The following DST variants were observed in gnomAD, a reference collection of about 807,000 sequenced individuals.
The protein encoded by DST is bullous pemphigoid antigen.
Under a neutral mutation model 875.2 loss-of-function variants are expected in DST, and 253 were observed. That is an observed-to-expected ratio of 0.29 (90% CI 0.26 to 0.32). The LOEUF (loss-of-function observed/expected upper bound fraction) is 0.32, where lower values mean the gene tolerates loss of function less well. DST is among the 10% of genes least tolerant of loss of function. The probability of loss-of-function intolerance (pLI) is 1.00; values close to 1 mark genes in which losing one functional copy is unlikely to be tolerated. For missense variants in DST, 8,287 were observed against 9,111.6 expected (o/e 0.91, Z 3.68); for synonymous variants, 3,124 against 3,197.1 (o/e 0.98, Z 0.77).
intron 86 of DST, among the ~76,000 whole-genome samples, chr6:56,488,531 C>T (rs1375745793): frequency 6.6e-6 from 1 of 152,156 alleles, no homozygotes; most frequent in Non-Finnish European, 1.5e-5. Context: ...GGCCAGGGAA[C>T]AGATGCTCAA....
At chr6:56,667,599 T>C (rs1338360728) in intron 10 of DST, among the ~76,000 whole-genome samples, 1 of 152,042 alleles carries the variant, frequency 6.6e-6, no homozygotes, top group Admixed American at 6.6e-5. Flanking sequence ...CAAAGGAAAA[T>C]AAAGCAAACT....
chr6:56,872,832 C>CCTT lies in DST; in HGVS notation c.418-21229_418-21228insAAG, dbSNP rs5876523. On this transcript the variant is annotated intron_variant, in intron 3 of 103. Transcript: ENST00000680361. ...CTTCAATACACTGATTCCCCCCCCC[C>CCTT]TTTTTTTTTTTTTCGGATATATACC... is the stretch of plus-strand genomic sequence containing the variant. Among the ~76,000 whole-genome samples the CCTT allele has an allele frequency of 8.5e-3, 1,091 of 127,852 alleles. 13 individuals carry two copies. Among genetic ancestry groups the CCTT allele is most frequent in the African/African-American group, 0.029 (1,016 of 35,294 alleles). 83.9% of individuals were successfully genotyped at this position (127,852 alleles called of 152,430 possible).
Position 56,492,919 on chromosome 6 carries a change from T to C in DST, c.20550+15A>G. The C allele has an allele frequency of 6.5e-7, 1 of 1,544,814 alleles. No homozygotes were observed. Among genetic ancestry groups the C allele is most frequent in the Non-Finnish European group, 8.7e-7 (1 of 1,150,214 alleles). ...GTCTGAAAAGAGAATCCTATCTATT[T>C]GACTCACTACATACCTTGTGTTCGT... On this transcript the variant is annotated intron_variant, in intron 84 of 103. Coordinates refer to ENST00000680361, the MANE Select transcript of DST (RefSeq NM_001374736.1).
Position 56,463,612 on chromosome 6 carries a change from C to T in DST, c.22912G>A (p.Ala7638Thr). 1.2e-6 allele frequency: 2 copies of T among 1,610,354 alleles called. No homozygotes were observed. The highest frequency in any genetic ancestry group is 2.2e-5 in the East Asian group (1 of 44,752). Residue 7638 changes from alanine to threonine, a missense_variant, in exon 101 of 104, where the codon GCT (alanine) becomes ACT (threonine). Around this residue, in one of 10 missense-constraint regions of DST, gnomAD observed 240 missense variants for 237.3 expected, o/e 1.01. Coordinates refer to ENST00000680361, the MANE Select transcript of DST (RefSeq NM_001374736.1). ...PNRSTSVSSQAAQAASPQVPA... is the reference protein window; with the variant it reads ...PNRSTSVSSQTAQAASPQVPA... ...ACCTGTGGGGAGGCCGCCTGCGCAG[C>T]CTGACTGGACACAGAAGTGGATCTG...
intron 3 of DST, among the ~76,000 whole-genome samples, chr6:56,889,144 C>A (rs116907395): frequency 6.6e-6 from 1 of 152,180 alleles, no homozygotes; most frequent in Non-Finnish European, 1.5e-5. Flanking sequence ...CCTCAAGTGT[C>A]TTCTCTTCTC....
chr6:56,779,782 A>T (rs1235501951), intron 4 of DST, among the ~76,000 whole-genome samples: 1 of 150,424 alleles, frequency 6.6e-6, no homozygotes, highest in African/African-American at 2.5e-5. Flanking sequence ...TATGCAGGTT[A>T]GTTACATATG....
intron 31 of DST, 44 bp from the exon 32 acceptor site, chr6:56,629,487 T>A: frequency 7.1e-7 from 1 of 1,402,410 alleles, no homozygotes; most frequent in Non-Finnish European, 1.0e-6. Context: ...TGTTAACCAC[T>A]CACTGGGTAA....
At chr6:56,577,844 T>C (rs1037737387) in intron 50 of DST, among the ~76,000 whole-genome samples, 1 of 152,168 alleles carries the variant, frequency 6.6e-6, no homozygotes, top group African/African-American at 2.4e-5. Context: ...CACTGCACAT[T>C]TGGTATAAAC....
rs2098156579 is a variant in DST, at chr6:56,586,624, C to T, written c.12903+5558G>A. ...TTGCCTCCTCAAGTGGGTCCCTGACCCCTGACCCCCGAGCAGCCTAACTGG... is the reference window on the plus strand; with the variant it reads ...TTGCCTCCTCAAGTGGGTCCCTGACTCCTGACCCCCGAGCAGCCTAACTGG... On this transcript the variant is annotated intron_variant, in intron 49 of 103. Coordinates refer to ENST00000680361, the MANE Select transcript of DST (RefSeq NM_001374736.1). 2.6e-5 allele frequency among the ~76,000 whole-genome samples: 4 copies of T among 152,202 alleles called. No homozygotes were observed. In the South Asian group the frequency reaches 8.3e-4, roughly 32 times the overall value.
chr6:56,532,229 T>C, intron 64 of DST, 115 bp downstream of exon 64: 1 of 960,000 alleles, frequency 1.0e-6, no homozygotes, highest in South Asian at 1.6e-5. Context: ...TCTGTTCACA[T>C]ACATGATAAA....
At chr6:56,813,206 G>A (rs1018687938) in intron 4 of DST, among the ~76,000 whole-genome samples, 3 of 139,348 alleles carry the variant, frequency 2.2e-5, no homozygotes, top group African/African-American at 8.0e-5. Context: ...GACACAGGAA[G>A]GGGAACATCA....
intron 4 of DST, among the ~76,000 whole-genome samples, chr6:56,836,930 T>G (rs967400458): frequency 1.3e-5 from 2 of 151,564 alleles, no homozygotes; most frequent in African/African-American, 4.8e-5. Flanking sequence ...ATATTAAAAA[T>G]TATTGAAATA....
At chr6:56,768,831 G>A (rs796094397) in intron 4 of DST, among the ~76,000 whole-genome samples, 7 of 152,262 alleles carry the variant, frequency 4.6e-5, no homozygotes, top group African/African-American at 1.7e-4. Context: ...AGCACTCTGG[G>A]AGGTCAAGGC....
intron 55 of DST, among the ~76,000 whole-genome samples, chr6:56,565,107 C>CTTTTCTTTTTTTT (rs1189782742): frequency 1.4e-5 from 2 of 145,894 alleles, no homozygotes; most frequent in Non-Finnish European, 3.0e-5. Flanking sequence ...CCCTCTTTCT[C>CTTTTCTTTTTTTT]TTTTCTTTTT....
chr6:56,781,673 G>A (rs989157272), intron 4 of DST, among the ~76,000 whole-genome samples: 2 of 152,160 alleles, frequency 1.3e-5, no homozygotes, highest in Non-Finnish European at 2.9e-5. Flanking sequence ...TGCAAACAGG[G>A]ACAATTTGAC....
chr6:56,496,233 A>T (rs1228966674), intron 82 of DST, among the ~76,000 whole-genome samples: 3 of 152,150 alleles, frequency 2.0e-5, no homozygotes, highest in African/African-American at 4.8e-5. Context: ...ATAAATCCAA[A>T]GTAGCCTAAA....
intron 10 of DST, among the ~76,000 whole-genome samples, chr6:56,667,680 A>C (rs1429764155): frequency 1.3e-5 from 2 of 152,194 alleles, no homozygotes; most frequent in African/African-American, 4.8e-5. Context: ...ATAAAAGTTC[A>C]AAACAAATAA....
Position 56,597,730 on chromosome 6 carries a change from A to G in DST, c.12195+10T>C. On this transcript the variant is annotated intron_variant, in intron 47 of 103. Transcript: ENST00000680361. Reference sequence around the variant, plus strand: ...GAATTGAACGATATCATATGTTTATAACAACACACCTTAACTTTCTGATAT... The same window carrying G: ...GAATTGAACGATATCATATGTTTATGACAACACACCTTAACTTTCTGATAT... 6.2e-7 allele frequency: 1 copy of G among 1,609,956 alleles called. No individual in the cohort carries two copies. Among genetic ancestry groups the G allele is most frequent in the Non-Finnish European group, 8.5e-7 (1 of 1,177,134 alleles).
intron 87 of DST, among the ~76,000 whole-genome samples, chr6:56,485,711 C>T (rs1260364090): frequency 6.6e-6 from 1 of 152,092 alleles, no homozygotes; most frequent in Non-Finnish European, 1.5e-5. Flanking sequence ...AAACCATGGA[C>T]CCTTCATGTT....
Sources: gnomAD v4.1 joint callset for allele counts (sites outside exome capture counted in the v4.1 genomes callset) on GRCh38, gnomAD v4.1.1 for gene constraint, gnomAD v4.1.1 regional missense constraint, MANE v1.5 for transcripts, NCBI Gene and HGNC (gene_info 2026-07-23, HGNC 2026-07-21) for gene names.